The following HPSE2 variants were observed in gnomAD, a reference collection of about 807,000 sequenced individuals.
The protein encoded by HPSE2 is heparanase 2 (inactive).
Under a neutral mutation model 60.5 loss-of-function variants are expected in HPSE2, and 38 were observed. The ratio of observed to expected loss-of-function variants is 0.63; its 90% CI spans 0.48 to 0.82. The LOEUF (loss-of-function observed/expected upper bound fraction) is 0.82. Among genes scored for constraint, HPSE2 ranks in the 40% least tolerant of loss-of-function variants. The pLI is 0.00. For synonymous variants in HPSE2, 295 were observed against 293.2 expected (o/e 1.01, Z -0.06); for missense variants, 713 against 740.4 (o/e 0.96, Z 0.43).
chr10:98,597,766 T>C (rs1013603820), intron 9 of HPSE2, among the ~76,000 whole-genome samples: 2 of 151,224 alleles, frequency 1.3e-5, no homozygotes, highest in African/African-American at 2.4e-5. Context: ...AGGTCAGGAG[T>C]TTGAGACCAG....
At chr10:99,232,288 C>A in intron 2 of HPSE2, 60 bp downstream of exon 2, 1 of 1,529,780 alleles carries the variant, frequency 6.5e-7, no homozygotes, top group Non-Finnish European at 8.9e-7. Flanking sequence ...CACAGATACA[C>A]AAACACAGCG....
intron 3 of HPSE2, among the ~76,000 whole-genome samples, chr10:98,854,597 A>C (rs982155927): frequency 2.0e-5 from 3 of 152,250 alleles, no homozygotes; most frequent in Non-Finnish European, 4.4e-5. Flanking sequence ...CTAGGGGGAC[A>C]CGGGGAAGGA....
intron 3 of HPSE2, among the ~76,000 whole-genome samples, chr10:98,804,300 C>T (rs1017120919): frequency 2.6e-5 from 4 of 151,878 alleles, no homozygotes; most frequent in Non-Finnish European, 5.9e-5. Flanking sequence ...CAAGTTAAAA[C>T]ACTTTTGCAC....
chr10:98,978,219 A>C (rs1956130665), intron 3 of HPSE2, among the ~76,000 whole-genome samples: 1 of 152,250 alleles, frequency 6.6e-6, no homozygotes, highest in African/African-American at 2.4e-5. Context: ...TGTACCTTTG[A>C]GTGGGCATAG....
chr10:98,470,166 T>C (rs1303581701), intron 11 of HPSE2, among the ~76,000 whole-genome samples: 3 of 152,046 alleles, frequency 2.0e-5, no homozygotes, highest in Non-Finnish European at 4.4e-5. Context: ...ATAACATGTT[T>C]AGTTATGTTT....
intron 3 of HPSE2, among the ~76,000 whole-genome samples, chr10:99,078,690 T>C (rs979368219): frequency 4.6e-5 from 7 of 152,268 alleles, no homozygotes; most frequent in African/African-American, 1.7e-4. Context: ...TTCATTACAG[T>C]TGTTTTCAGG....
At chr10:98,764,639 A>G (rs1950079200) in intron 3 of HPSE2, among the ~76,000 whole-genome samples, 2 of 152,202 alleles carry the variant, frequency 1.3e-5, no homozygotes, top group African/African-American at 4.8e-5. Flanking sequence ...AGATCACTTG[A>G]GGTCAGAAGT....
At chr10:98,701,958 A>G (rs1002510887) in intron 5 of HPSE2, among the ~76,000 whole-genome samples, 7 of 152,198 alleles carry the variant, frequency 4.6e-5, no homozygotes, top group Admixed American at 2.6e-4. Context: ...ACACATAACA[A>G]TATTAACCTT....
chr10:99,058,989 C>A (rs1436254448), intron 3 of HPSE2, among the ~76,000 whole-genome samples: 2 of 152,166 alleles, frequency 1.3e-5, no homozygotes, highest in Non-Finnish European at 2.9e-5. Context: ...CAACCATAGA[C>A]AATATGTAAA....
intron 3 of HPSE2, among the ~76,000 whole-genome samples, chr10:98,758,635 A>G (rs975757106): frequency 2.0e-5 from 3 of 152,222 alleles, no homozygotes; most frequent in Non-Finnish European, 4.4e-5. Context: ...CCACAATGAG[A>G]CATCATATCA....
chr10:99,113,711 T>G (rs1235816991), intron 3 of HPSE2, among the ~76,000 whole-genome samples: 1 of 152,156 alleles, frequency 6.6e-6, no homozygotes, highest in Non-Finnish European at 1.5e-5. Flanking sequence ...CAAATGTAAA[T>G]CCAAGTTTCA....
intron 4 of HPSE2, among the ~76,000 whole-genome samples, chr10:98,723,306 G>T (rs1948977816): frequency 6.6e-6 from 1 of 152,158 alleles, no homozygotes; most frequent in Admixed American, 6.6e-5. Context: ...GCATCCCAGG[G>T]ATGAAGCCCA....
Position 98,710,466 on chromosome 10 carries a change from T to C in HPSE2, c.956+11191A>G, listed in dbSNP as rs186469381. 2.7e-3 allele frequency among the ~76,000 whole-genome samples: 407 copies of C among 152,332 alleles called. 1 individual carries two copies. Among genetic ancestry groups the C allele is most frequent in the Non-Finnish European group, 5.0e-3 (337 of 68,028 alleles). Reference sequence around the variant, plus strand: ...TGTTTCCCTTAGTTTGATAGGTTTATAGAGGCTTAAATATACAGGAATTAA... The same window carrying C: ...TGTTTCCCTTAGTTTGATAGGTTTACAGAGGCTTAAATATACAGGAATTAA... On this transcript the variant is annotated intron_variant, in intron 5 of 11. Transcript: ENST00000370552.
chr10:98,580,824 T>TATATATATATATATATATATATATA, intron 9 of HPSE2, among the ~76,000 whole-genome samples: 1 of 128,560 alleles, frequency 7.8e-6, no homozygotes, highest in Non-Finnish European at 1.6e-5. Context: ...GTGCTTGGTT[T>TATATATATATATATATATATATATA]TATATATATA....
intron 2 of HPSE2, among the ~76,000 whole-genome samples, chr10:99,198,923 TA>T (rs1226336241): frequency 1.3e-5 from 2 of 152,182 alleles, no homozygotes; most frequent in African/African-American, 2.4e-5. Context: ...ATACTTCATA[TA>T]AGCGAGATCA....
chr10:98,597,557 G>T (rs1474068789), intron 9 of HPSE2, among the ~76,000 whole-genome samples: 1 of 151,762 alleles, frequency 6.6e-6, no homozygotes, highest in Non-Finnish European at 1.5e-5. Flanking sequence ...TGTAGTCCCA[G>T]CTACTTGGGA....
intron 3 of HPSE2, among the ~76,000 whole-genome samples, chr10:98,865,367 T>C (rs1013166470): frequency 6.6e-6 from 1 of 152,110 alleles, no homozygotes; most frequent in Non-Finnish European, 1.5e-5. Context: ...AGATTCAATA[T>C]ATGAAATAAT....
intron 9 of HPSE2, among the ~76,000 whole-genome samples, chr10:98,568,672 T>C (rs1038875247): frequency 3.9e-5 from 6 of 152,204 alleles, no homozygotes; most frequent in Non-Finnish European, 7.3e-5. Context: ...TGAGGTTCTC[T>C]TATACATCTT....
intron 3 of HPSE2, among the ~76,000 whole-genome samples, chr10:98,984,477 C>T (rs1956287374): frequency 6.6e-6 from 1 of 152,166 alleles, no homozygotes; most frequent in Non-Finnish European, 1.5e-5. Flanking sequence ...ACATCCACAC[C>T]AAAACCCCAT....
Sources: allele counts gnomAD v4.1 joint callset (sites outside exome capture counted in the v4.1 genomes callset), GRCh38; gene constraint gnomAD v4.1.1; transcripts MANE v1.5; gene names NCBI Gene and HGNC (gene_info 2026-07-23, HGNC 2026-07-21).